INPP5A: variants seen among roughly 807,000 people sequenced by gnomAD.
The protein encoded by INPP5A is 43 kDa inositol polyphosphate 5-phophatase.
INPP5A carries 14 observed loss-of-function variants against 65.2 expected under a neutral mutation model. The observed-to-expected ratio is 0.21, with a 90% CI of 0.14 to 0.34. INPP5A has a LOEUF of 0.34. INPP5A is among the 10% of genes least tolerant of loss of function. The probability of loss-of-function intolerance (pLI) is 1.00; values close to 1 mark genes in which losing one functional copy is unlikely to be tolerated. For synonymous variants in INPP5A, 207 were observed against 208.3 expected, an observed-to-expected ratio of 0.99 and a Z score of 0.05; for missense variants, 431 against 545.6, an observed-to-expected ratio of 0.79 and a Z score of 2.09.
At chr10:132,590,232 A>T (rs1476362058) in intron 1 of INPP5A, among the ~76,000 whole-genome samples, 1 of 151,988 alleles carries the variant, frequency 6.6e-6, no homozygotes, top group East Asian at 1.9e-4. Flanking sequence ...CAGTGGTCAG[A>T]TGCCGTCCTG....
At chr10:132,669,532 G>C (rs754174393) in intron 4 of INPP5A, among the ~76,000 whole-genome samples, 1 of 152,226 alleles carries the variant, frequency 6.6e-6, no homozygotes, top group Non-Finnish European at 1.5e-5. Context: ...AGGAGGCCCC[G>C]TGTTCTCCTG....
intron 13 of INPP5A, among the ~76,000 whole-genome samples, chr10:132,778,832 G>A (rs1186878068): frequency 3.3e-5 from 5 of 152,214 alleles, no homozygotes; most frequent in Non-Finnish European, 7.3e-5. Context: ...TGTGCCAGAC[G>A]GCACCAGACC....
At position 132,645,989 on chromosome 10, in the gene INPP5A, T is replaced by C. The variant is rs2274431; in HGVS notation, c.218+21T>C. The C allele has an allele frequency of 1.0e-5, 16 of 1,547,470 alleles. No homozygotes were observed. The East Asian group carries it at 3.4e-4, about 33-fold the overall frequency. On this transcript the variant is annotated intron_variant, in intron 3 of 15. Coordinates refer to ENST00000368594, the MANE Select transcript of INPP5A (RefSeq NM_005539.5). Reference sequence around the variant, plus strand: ...GTCAAGTAAGTCTAGGGGCAGGTGCTGGTGCATGTCCACTTCCCAGGGGTG... The same window carrying C: ...GTCAAGTAAGTCTAGGGGCAGGTGCCGGTGCATGTCCACTTCCCAGGGGTG...
intron 9 of INPP5A, among the ~76,000 whole-genome samples, chr10:132,747,389 C>T (rs1590978979): frequency 6.6e-6 from 1 of 152,400 alleles, no homozygotes. Flanking sequence ...ATGGCCTGCC[C>T]TGGAGTGTGC....
At chr10:132,720,515 T>G (rs1361087294) in intron 8 of INPP5A, among the ~76,000 whole-genome samples, 220 of 107,684 alleles carry the variant, frequency 2.0e-3, no homozygotes, top group Middle Eastern at 0.017. Context: ...TGCGGGTTCT[T>G]TGGTGCCTGG....
At chr10:132,779,684 C>T (rs1245435766) in intron 13 of INPP5A, among the ~76,000 whole-genome samples, 2 of 152,250 alleles carry the variant, frequency 1.3e-5, no homozygotes, top group African/African-American at 4.8e-5. Context: ...TGGACAGGCT[C>T]TCCCCATGGG....
rs1395321700 is a variant in INPP5A, at chr10:132,538,192, G to A, written c.75+21G>A. The A allele has an allele frequency of 7.9e-7, 1 of 1,264,930 alleles. No individual in the cohort carries two copies. The highest frequency in any genetic ancestry group is 1.0e-6 in the Non-Finnish European group (1 of 1,000,392). 78.4% of individuals were successfully genotyped at this position (1,264,930 alleles called of 1,614,324 possible). A position where few individuals can be genotyped will look rare whatever the true frequency, so the allele number is the denominator to read the frequency against. On this transcript the variant is annotated intron_variant, in intron 1 of 15. Transcript: ENST00000368594. The surrounding 1 kb of genome is among the most constrained non-coding windows in gnomAD (Gnocchi z 4.1). ...ACGACGTAAGTCCCCCGTGCCGGCG[G>A]CAGGCCCCAAGCCCGGAACCCCCGA...
At chr10:132,680,604 C>T (rs1180645550) in intron 4 of INPP5A, among the ~76,000 whole-genome samples, 1 of 152,252 alleles carries the variant, frequency 6.6e-6, no homozygotes, top group African/African-American at 2.4e-5. Flanking sequence ...GTGGGAGCCC[C>T]TTTCTGGGCT....
In INPP5A at chr10:132,782,129, G is replaced by A. The variant is rs1213749902; in HGVS notation, c.*100G>A. 20 of 1,526,044 alleles carry A rather than the reference G, an allele frequency of 1.3e-5. No homozygotes were observed. Among genetic ancestry groups the A allele is most frequent in the Non-Finnish European group, 1.5e-5 (17 of 1,131,142 alleles). 94.5% of individuals were successfully genotyped at this position (1,526,044 alleles called of 1,614,324 possible). A position where few individuals can be genotyped will look rare whatever the true frequency, so the allele number is the denominator to read the frequency against. On this transcript the variant is annotated 3_prime_UTR_variant, in exon 16 of 16. Transcript: ENST00000368594. The surrounding 1 kb of genome is among the most constrained non-coding windows in gnomAD (Gnocchi z 4.4). The stretch of plus-strand genomic sequence containing the variant: ...CTCTTGAAAGCTGCATCGAGAACCC[G>A]CCCAAGCGCCACCTGCTAGACGGCC...
chr10:132,717,390 G>C (rs1253945995), intron 8 of INPP5A, among the ~76,000 whole-genome samples: 1 of 151,416 alleles, frequency 6.6e-6, no homozygotes, highest in Non-Finnish European at 1.5e-5. Context: ...CTCAAGAGCA[G>C]TGGTTGCTGT....
chr10:132,757,679 C>G (rs947991347), intron 11 of INPP5A, among the ~76,000 whole-genome samples: 1 of 152,208 alleles, frequency 6.6e-6, no homozygotes, highest in Non-Finnish European at 1.5e-5. Context: ...TGGACCACAG[C>G]GGAGCAGAGA....
At chr10:132,702,081 T>A (rs1454152926) in intron 6 of INPP5A, among the ~76,000 whole-genome samples, 1 of 152,242 alleles carries the variant, frequency 6.6e-6, no homozygotes, top group Admixed American at 6.5e-5. Flanking sequence ...GGGCTGTGGC[T>A]TCATTTGTTC....
At chr10:132,666,989 C>G (rs531064629) in intron 4 of INPP5A, among the ~76,000 whole-genome samples, 36 of 152,142 alleles carry the variant, frequency 2.4e-4, no homozygotes, top group Non-Finnish European at 4.6e-4. Flanking sequence ...CACCCCCAAC[C>G]CCCTCTGCCA....
chr10:132,574,873 C>T (rs2071396320), intron 1 of INPP5A, among the ~76,000 whole-genome samples: 1 of 151,922 alleles, frequency 6.6e-6, no homozygotes, highest in Admixed American at 6.6e-5. Context: ...TCTGTGAGAG[C>T]CTTCCGGAAG....
intron 2 of INPP5A, among the ~76,000 whole-genome samples, chr10:132,630,546 T>A (rs4880269): frequency 1.8e-5 from 2 of 113,302 alleles, no homozygotes; most frequent in Admixed American, 1.9e-4. Flanking sequence ...GAGGGAAAGA[T>A]GTCCATGAGG....
At chr10:132,582,475 C>G (rs1261641275) in intron 1 of INPP5A, among the ~76,000 whole-genome samples, 2 of 146,668 alleles carry the variant, frequency 1.4e-5, no homozygotes. Flanking sequence ...GGCTGAAGTA[C>G]AGTGGCAACA....
At chr10:132,558,964 C>G (rs529174804) in intron 1 of INPP5A, among the ~76,000 whole-genome samples, 7 of 152,202 alleles carry the variant, frequency 4.6e-5, no homozygotes, top group Non-Finnish European at 1.0e-4. Flanking sequence ...CCACCCTGGT[C>G]GAGCCCAGCC....
chr10:132,781,207 A>C (rs1199722729), intron 14 of INPP5A, among the ~76,000 whole-genome samples: 1 of 152,254 alleles, frequency 6.6e-6, no homozygotes, highest in East Asian at 1.9e-4. Context: ...TATTTGTAAA[A>C]AAATGTCCAC....
In INPP5A at chr10:132,674,034, G is replaced by T. The variant is rs1482208577; in HGVS notation, c.307-16358G>T. 2.6e-5 allele frequency among the ~76,000 whole-genome samples: 4 copies of T among 152,258 alleles called. No homozygotes were observed. Among genetic ancestry groups the T allele is most frequent in the Non-Finnish European group, 5.9e-5 (4 of 68,050 alleles). On this transcript the variant is annotated intron_variant, in intron 4 of 15. Coordinates refer to ENST00000368594, the MANE Select transcript of INPP5A (RefSeq NM_005539.5). This position sits in a 1 kb window ranked among gnomAD's most constrained non-coding sequence, Gnocchi z 4.4. Reference sequence around the variant, plus strand: ...ATGGGCCTATTGGACAATGACAGGGGTGGCTTGGGAAAGAGGCTGAATGGT... The same window carrying T: ...ATGGGCCTATTGGACAATGACAGGGTTGGCTTGGGAAAGAGGCTGAATGGT...
Sources: allele counts gnomAD v4.1 joint callset (sites outside exome capture counted in the v4.1 genomes callset), GRCh38; gene constraint gnomAD v4.1.1; non-coding constraint Gnocchi (gnomAD v3.1); transcripts MANE v1.5; gene names NCBI Gene and HGNC (gene_info 2026-07-23, HGNC 2026-07-21).